The following ARID2 variants were observed in gnomAD, a reference collection of about 807,000 sequenced individuals.
ARID2 encodes the protein AT-rich interaction domain 2.
In ARID2, 32 loss-of-function variants were observed where a neutral mutation model predicts 184.6. The ratio of observed to expected loss-of-function variants is 0.17; its 90% CI spans 0.13 to 0.23. The LOEUF is 0.23. Ranked by LOEUF, ARID2 falls within the 10% of genes least tolerant of loss-of-function variation. The probability of loss-of-function intolerance (pLI) is 1.00; values close to 1 mark genes in which losing one functional copy is unlikely to be tolerated. For synonymous variants in ARID2, 836 were observed against 772.6 expected, an observed-to-expected ratio of 1.08 and a Z score of -1.36; for missense variants, 1,696 against 2,197.6, an observed-to-expected ratio of 0.77 and a Z score of 4.56.
intron 18 of ARID2, 118 bp from the exon 19 acceptor site, chr12:45,893,302 C>A (rs2136461701): frequency 1.6e-6 from 2 of 1,265,818 alleles, no homozygotes; most frequent in Admixed American, 5.7e-5. Context: ...CTTTAGTCAC[C>A]CTGTAAACAC....
intron 16 of ARID2, among the ~76,000 whole-genome samples, chr12:45,872,058 C>T (rs1467978860): frequency 6.6e-6 from 1 of 151,916 alleles, no homozygotes; most frequent in African/African-American, 2.4e-5. Context: ...TTTTTTCCCC[C>T]AAAGAACCAG....
At chr12:45,861,630 G>C (rs887000526) in intron 16 of ARID2, among the ~76,000 whole-genome samples, 1 of 144,686 alleles carries the variant, frequency 6.9e-6, no homozygotes, top group African/African-American at 2.6e-5. Flanking sequence ...TGTTGTTCAG[G>C]CTGGAGTGCA....
intron 16 of ARID2, among the ~76,000 whole-genome samples, chr12:45,890,343 T>TA (rs1175561312): frequency 6.6e-6 from 1 of 152,244 alleles, no homozygotes; most frequent in African/African-American, 2.4e-5. Flanking sequence ...AAAAATAGTT[T>TA]AGAAATAGAC....
At chr12:45,794,350 AT>A in intron 3 of ARID2, among the ~76,000 whole-genome samples, 1 of 152,296 alleles carries the variant, frequency 6.6e-6, no homozygotes, top group East Asian at 1.9e-4. Flanking sequence ...CTTGTTATTA[AT>A]TTTCAAAAAT....
At chr12:45,811,610 A>C in intron 4 of ARID2, 59 bp downstream of exon 4, 1 of 1,573,970 alleles carries the variant, frequency 6.4e-7, no homozygotes, top group Non-Finnish European at 8.7e-7. Context: ...AGGAAAATAG[A>C]CATCATCCAA....
intron 16 of ARID2, among the ~76,000 whole-genome samples, chr12:45,862,684 G>C (rs1419909050): frequency 6.6e-6 from 1 of 152,082 alleles, no homozygotes; most frequent in East Asian, 1.9e-4. Context: ...TGTCTAAAAA[G>C]ATAAAAATAA....
intron 4 of ARID2, among the ~76,000 whole-genome samples, chr12:45,816,544 A>T (rs1352389750): frequency 2.0e-5 from 3 of 152,352 alleles, no homozygotes; most frequent in Non-Finnish European, 4.4e-5. Flanking sequence ...GGATACACTT[A>T]TGTGTGACTC....
intron 5 of ARID2, among the ~76,000 whole-genome samples, chr12:45,819,414 T>A (rs1565608119): frequency 6.6e-6 from 1 of 152,200 alleles, no homozygotes; most frequent in Non-Finnish European, 1.5e-5. Flanking sequence ...AGTTCCACAG[T>A]ACATAGGGAC....
chr12:45,796,243 A>G (rs915496549), intron 3 of ARID2, among the ~76,000 whole-genome samples: 3 of 152,026 alleles, frequency 2.0e-5, no homozygotes, highest in African/African-American at 7.2e-5. Flanking sequence ...ATCATACTGT[A>G]TGATTTTTTT....
intron 4 of ARID2, among the ~76,000 whole-genome samples, chr12:45,814,636 A>G (rs544480239): frequency 6.6e-6 from 1 of 152,310 alleles, no homozygotes; most frequent in East Asian, 1.9e-4. Flanking sequence ...GCGACAGAGC[A>G]AAACTCCATC....
At chr12:45,769,828 A>C (rs992011849) in intron 3 of ARID2, among the ~76,000 whole-genome samples, 4 of 152,198 alleles carry the variant, frequency 2.6e-5, no homozygotes, top group African/African-American at 9.7e-5. Context: ...AACCCCAATA[A>C]AATTAATAAC....
At chr12:45,790,712 G>T (rs1366758180) in intron 3 of ARID2, among the ~76,000 whole-genome samples, 1 of 152,064 alleles carries the variant, frequency 6.6e-6, no homozygotes, top group Non-Finnish European at 1.5e-5. Flanking sequence ...GTTCACAAAT[G>T]TCAATTTTAT....
intron 16 of ARID2, among the ~76,000 whole-genome samples, chr12:45,872,670 C>A (rs553348059): frequency 6.6e-6 from 1 of 152,188 alleles, no homozygotes; most frequent in African/African-American, 2.4e-5. Flanking sequence ...AACAGCAGCA[C>A]GGGCGTAACC....
chr12:45,872,246 A>G (rs945572041), intron 16 of ARID2, among the ~76,000 whole-genome samples: 3 of 152,038 alleles, frequency 2.0e-5, no homozygotes, highest in Non-Finnish European at 2.9e-5. Flanking sequence ...CTTTTTTAGT[A>G]TATAAGTTCA....
At position 45,777,705 on chromosome 12, in the gene ARID2, G is replaced by A. The variant is rs181360055; in HGVS notation, c.285-33713G>A. On this transcript the variant is annotated intron_variant, in intron 3 of 20. Coordinates refer to ENST00000334344, the MANE Select transcript of ARID2 (RefSeq NM_152641.4). ...CTAATTTTTATTTTATGTTAGTTTA[G>A]CTTATTATACATTAGCCTTTCTTAG... is the stretch of plus-strand genomic sequence containing the variant. Among the ~76,000 whole-genome samples the A allele has an allele frequency of 2.6e-3, 401 of 151,388 alleles. 1 individual carries two copies. The highest frequency in any genetic ancestry group is 6.9e-3 in the Middle Eastern group (2 of 290).
At chr12:45,881,694 G>C (rs1944106685) in intron 16 of ARID2, 1 of 179,786 alleles carries the variant, frequency 5.6e-6, no homozygotes, top group East Asian at 1.5e-4. Context: ...GGCTTCCCCT[G>C]CTTCCGTTCT....
intron 11 of ARID2, 105 bp downstream of exon 11, chr12:45,839,601 A>G (rs1169141007): frequency 2.3e-6 from 3 of 1,311,142 alleles, no homozygotes; most frequent in Admixed American, 2.6e-5. Context: ...ATTTTACAGT[A>G]TAGTAGGCCA....
chr12:45,737,315 G>A (rs1941148839), intron 3 of ARID2, among the ~76,000 whole-genome samples: 1 of 151,960 alleles, frequency 6.6e-6, no homozygotes. Context: ...CAGGGAGAAT[G>A]TGCTGGTTTT....
Position 45,786,095 on chromosome 12 carries a change from A to C in ARID2, c.285-25323A>C, listed in dbSNP as rs150268395. Among the ~76,000 whole-genome samples, 718 of 152,358 alleles carry C rather than the reference A, an allele frequency of 4.7e-3. 14 individuals carry two copies. The highest frequency in any genetic ancestry group is 0.037 in the Admixed American group (563 of 15,306). ...TACTGTCAATCTCTAAGGGACTGAA[A>C]GTTACAGTCTTTTATATACTGTGAT... On this transcript the variant is annotated intron_variant, in intron 3 of 20. Coordinates refer to ENST00000334344, the MANE Select transcript of ARID2 (RefSeq NM_152641.4).
Sources: allele counts gnomAD v4.1 joint callset (sites outside exome capture counted in the v4.1 genomes callset), GRCh38; gene constraint gnomAD v4.1.1; transcripts MANE v1.5; gene names NCBI Gene and HGNC (gene_info 2026-07-23, HGNC 2026-07-21).